PIK3R1: variants seen among roughly 807,000 people sequenced by gnomAD.
The protein encoded by PIK3R1 is phosphatidylinositol 3-kinase regulatory subunit alpha.
A neutral mutation model predicts 98.0 loss-of-function variants in PIK3R1; 29 were observed. The ratio of observed to expected loss-of-function variants is 0.30; its 90% confidence interval spans 0.22 to 0.40. The LOEUF (loss-of-function observed/expected upper bound fraction) is 0.40. Ranked by LOEUF, PIK3R1 falls within the 10% of genes least tolerant of loss-of-function variation. PIK3R1 has a pLI of 1.00. For synonymous variants in PIK3R1, 282 were observed against 311.8 expected, an observed-to-expected ratio of 0.90 and a Z score of 1.01; for missense variants, 596 against 872.7, an observed-to-expected ratio of 0.68 and a Z score of 3.99.
At position 68,226,590 on chromosome 5, in the gene PIK3R1, C is replaced by A; in HGVS notation, c.-86C>A. The A allele has an allele frequency of 9.4e-7, 1 of 1,068,724 alleles. No homozygotes were observed. The highest frequency in any genetic ancestry group is 1.4e-6 in the Non-Finnish European group (1 of 717,786). 66.2% of individuals were successfully genotyped at this position (1,068,724 alleles called of 1,614,324 possible). ...CACATAATAGGAATTCTAACACATT[C>A]TCTGAATTCACTTTTCATAAAAACG... is the stretch of plus-strand genomic sequence containing the variant. On this transcript the variant is annotated 5_prime_UTR_variant, in exon 2 of 16. Coordinates refer to ENST00000521381, the MANE Select transcript of PIK3R1 (RefSeq NM_181523.3).
intron 7 of PIK3R1, among the ~76,000 whole-genome samples, chr5:68,286,974 T>G (rs551141204): frequency 2.0e-5 from 3 of 152,240 alleles, no homozygotes; most frequent in Non-Finnish European, 4.4e-5. Context: ...TAGACTGTTA[T>G]TTCCATTGGG....
intron 2 of PIK3R1, among the ~76,000 whole-genome samples, chr5:68,232,819 C>T (rs1401247481): frequency 6.6e-6 from 1 of 152,056 alleles, no homozygotes; most frequent in East Asian, 1.9e-4. Context: ...ATATGTATAT[C>T]CTAAGTAAAG....
At chr5:68,262,369 GCTT>G (rs1360333922) in intron 2 of PIK3R1, among the ~76,000 whole-genome samples, 1 of 135,622 alleles carries the variant, frequency 7.4e-6, no homozygotes, top group Non-Finnish European at 1.6e-5. Flanking sequence ...ACATGACCAG[GCTT>G]CTTTCTATAA....
At chr5:68,292,155 A>T in intron 7 of PIK3R1, 104 bp from the exon 8 acceptor site, 1 of 645,434 alleles carries the variant, frequency 1.5e-6, no homozygotes, top group South Asian at 2.1e-5. Context: ...TATATATTTC[A>T]GTTACTCTAA....
At chr5:68,231,417 G>T (rs1208184941) in intron 2 of PIK3R1, among the ~76,000 whole-genome samples, 1 of 152,204 alleles carries the variant, frequency 6.6e-6, no homozygotes, top group Non-Finnish European at 1.5e-5. Flanking sequence ...GCTAAATTTT[G>T]ATCAAAATCC....
rs1747884693 is a variant in PIK3R1 at position 68,298,945 on chromosome 5, A to G, written c.*1344A>G. The stretch of plus-strand genomic sequence containing the variant: ...GCAAGGTTATATGCACTTTCTCATG[A>G]TTTACAGAGAAGTGAATAACTGCAA... On this transcript the variant is annotated 3_prime_UTR_variant, in exon 16 of 16. Coordinates refer to ENST00000521381, the MANE Select transcript of PIK3R1 (RefSeq NM_181523.3). 1 of 233,338 alleles carries G rather than the reference A, an allele frequency of 4.3e-6. No homozygotes were observed. Among genetic ancestry groups the G allele is most frequent in the South Asian group, 1.8e-4 (1 of 5,520 alleles). The allele number at this position is 233,338 out of a possible 1,614,324, so 14.5% of individuals were successfully genotyped here.
chr5:68,265,819 G>A (rs1385693982), intron 2 of PIK3R1, among the ~76,000 whole-genome samples: 1 of 152,144 alleles, frequency 6.6e-6, no homozygotes, highest in Non-Finnish European at 1.5e-5. Flanking sequence ...GTAGAATCTA[G>A]GTGAAAGATA....
At chr5:68,258,064 A>G (rs911512664) in intron 2 of PIK3R1, among the ~76,000 whole-genome samples, 2 of 152,192 alleles carry the variant, frequency 1.3e-5, no homozygotes, top group Admixed American at 6.5e-5. Context: ...AGAAGAGTCA[A>G]TTAGGAGCTG....
intron 1 of PIK3R1, among the ~76,000 whole-genome samples, 181 bp from the exon 2 acceptor site, chr5:68,226,109 C>G (rs1470123368): frequency 1.3e-5 from 2 of 152,118 alleles, no homozygotes; most frequent in East Asian, 1.9e-4. Context: ...TCTGCCCCCG[C>G]CCGGTGTTCT....
At chr5:68,240,504 C>T (rs1744832739) in intron 2 of PIK3R1, among the ~76,000 whole-genome samples, 1 of 152,206 alleles carries the variant, frequency 6.6e-6, no homozygotes, top group Admixed American at 6.5e-5. Flanking sequence ...CTCTCCAGCC[C>T]TTCTGTGATT....
intron 9 of PIK3R1, 38 bp downstream of exon 9, chr5:68,293,237 C>G (rs1322604471): frequency 6.3e-7 from 1 of 1,595,810 alleles, no homozygotes. Context: ...GGGTTTTGGG[C>G]TGATATTAAA....
At chr5:68,273,369 G>C (rs200249012) in intron 2 of PIK3R1, 21 bp from the exon 3 acceptor site, 557 of 1,605,534 alleles carry the variant, frequency 3.5e-4, no homozygotes, top group Non-Finnish European at 4.6e-4. Context: ...AAATACAATG[G>C]TGGGATTTTG....
intron 1 of PIK3R1, among the ~76,000 whole-genome samples, chr5:68,224,341 AT>A (rs1354608788): frequency 6.6e-6 from 1 of 152,130 alleles, no homozygotes; most frequent in Non-Finnish European, 1.5e-5. Context: ...AATATAGCTT[AT>A]TTTTCTGATA....
At chr5:68,241,409 C>CT (rs1744869946) in intron 2 of PIK3R1, among the ~76,000 whole-genome samples, 1 of 146,240 alleles carries the variant, frequency 6.8e-6, no homozygotes, top group Non-Finnish European at 1.5e-5. Context: ...TTTTACAGTA[C>CT]TGTTTTTAGT....
chr5:68,282,450 C>T (rs1746888386), intron 7 of PIK3R1, among the ~76,000 whole-genome samples: 1 of 152,060 alleles, frequency 6.6e-6, no homozygotes, highest in African/African-American at 2.4e-5. Context: ...GGCCACTCCT[C>T]TAGAGAGAGG....
intron 2 of PIK3R1, among the ~76,000 whole-genome samples, chr5:68,246,478 A>T (rs1245223294): frequency 6.6e-6 from 1 of 150,864 alleles, no homozygotes; most frequent in South Asian, 2.1e-4. Flanking sequence ...ACGCCCAGCT[A>T]ATTTTTGTAT....
chr5:68,257,253 G>A (rs1745555467), intron 2 of PIK3R1, among the ~76,000 whole-genome samples: 2 of 152,280 alleles, frequency 1.3e-5, no homozygotes, highest in East Asian at 1.9e-4. Context: ...AAGTTCCCCC[G>A]ACCCACACAT....
Position 68,277,120 on chromosome 5 carries a change from T to A in PIK3R1, c.503-2482T>A, listed in dbSNP as rs115672414. 8.9e-3 allele frequency among the ~76,000 whole-genome samples: 1,356 copies of A among 152,314 alleles called. 20 individuals are homozygous for A. The highest frequency in any genetic ancestry group is 0.03 in the African/African-American group (1,259 of 41,552). ...GCATCACCAAATGTTTTATCACATA[T>A]TTTAGGATAAGCAAATTCGGTAATA... On this transcript the variant is annotated intron_variant, in intron 4 of 15. Transcript: ENST00000521381.
chr5:68,262,815 GTAGATACATGTAGATACATGTATACA>G, intron 2 of PIK3R1, among the ~76,000 whole-genome samples: 1 of 81,406 alleles, frequency 1.2e-5, no homozygotes, highest in Non-Finnish European at 2.4e-5. Context: ...ATGTATACAT[GTAGATACATGTAGATACATGTATACA>G]TGTAGATACA....
Sources: gnomAD v4.1 joint callset for allele counts (sites outside exome capture counted in the v4.1 genomes callset) on GRCh38, gnomAD v4.1.1 for gene constraint, MANE v1.5 for transcripts, NCBI Gene and HGNC (gene_info 2026-07-23, HGNC 2026-07-21) for gene names.